HMGN3: variants seen among roughly 807,000 people sequenced by gnomAD.
HMGN3 encodes high mobility group nucleosomal binding domain 3.
In HMGN3, 6 loss-of-function variants were observed where a neutral mutation model predicts 18.8. That is an observed-to-expected ratio of 0.32 (90% CI 0.18 to 0.63). The LOEUF is 0.63. HMGN3 is among the 30% of genes least tolerant of loss of function. The pLI is 0.79. For missense variants in HMGN3, 107 were observed against 114.2 expected (o/e 0.94, Z 0.29); for synonymous variants, 40 against 36.5 (o/e 1.10, Z -0.35).
At chr6:79,208,564 A>G (rs1198090207) in exon 3 of HMGN3, 5 of 1,610,920 alleles carry the variant, frequency 3.1e-6, no homozygotes, top group Non-Finnish European at 4.2e-6. Flanking sequence ...AATCTGGCAG[A>G]CCGTCTTGTG....
exon 4 of HMGN3, chr6:79,203,611 G>T: frequency 6.2e-7 from 1 of 1,612,872 alleles, no homozygotes; most frequent in Non-Finnish European, 8.5e-7. Context: ...TTTGGGTTCA[G>T]GTTTTGGTGG....
intron 2 of HMGN3, among the ~76,000 whole-genome samples, chr6:79,213,743 G>A (rs1340544415): frequency 6.6e-6 from 1 of 152,074 alleles, no homozygotes; most frequent in Non-Finnish European, 1.5e-5. Flanking sequence ...TTTTCCACTT[G>A]GCAGAATGAA....
chr6:79,220,033 G>A (rs1777191718), intron 1 of HMGN3, among the ~76,000 whole-genome samples: 1 of 152,158 alleles, frequency 6.6e-6, no homozygotes, highest in South Asian at 2.1e-4. Flanking sequence ...AACTCATGCA[G>A]CTAATGGCTA....
Position 79,201,951 on chromosome 6 carries a change from A to C in HMGN3, c.262-225T>G, listed in dbSNP as rs1001219665. ...CTTTCTGCTTTTCAAACCACCACAG[A>C]AGCCTTACCTGCAAGCTCCCACTCT... On this transcript the variant is annotated intron_variant, in intron 5 of 5. Coordinates refer to ENST00000344726, the Ensembl canonical transcript of HMGN3. The C allele has an allele frequency of 2.8e-6, 4 of 1,452,690 alleles. No homozygotes were observed. The African/African-American group carries it at 4.3e-5, about 16-fold the overall frequency. The allele number at this position is 1,452,690 out of a possible 1,614,324, so 90.0% of individuals were successfully genotyped here.
At chr6:79,214,917 A>G in intron 2 of HMGN3, 55 bp downstream of exon 2, 1 of 946,044 alleles carries the variant, frequency 1.1e-6, no homozygotes, top group South Asian at 1.4e-5. Context: ...AATCCTAACA[A>G]TATTAAACAT....
chr6:79,213,349 T>C (rs1426602900), intron 2 of HMGN3, among the ~76,000 whole-genome samples: 1 of 152,206 alleles, frequency 6.6e-6, no homozygotes, highest in African/African-American at 2.4e-5. Flanking sequence ...TGATTTACTT[T>C]TGGTGTAGTG....
intron 4 of HMGN3, 138 bp downstream of exon 4, chr6:79,203,442 C>A: frequency 1.3e-6 from 1 of 780,104 alleles, no homozygotes; most frequent in Non-Finnish European, 2.1e-6. Flanking sequence ...TGCTTTATGC[C>A]TTTAAGCAAG....
At chr6:79,234,447 G>T in intron 1 of HMGN3, 99 bp downstream of exon 1, 1 of 1,151,486 alleles carries the variant, frequency 8.7e-7, no homozygotes, top group Non-Finnish European at 1.3e-6. Context: ...CCAATCCCCG[G>T]GTTACTACCG....
intron 1 of HMGN3, among the ~76,000 whole-genome samples, chr6:79,218,739 T>C (rs1328048214): frequency 1.3e-5 from 2 of 152,194 alleles, no homozygotes; most frequent in Non-Finnish European, 2.9e-5. Context: ...AGCTAGATGG[T>C]GGTTTATTAT....
At chr6:79,234,661 C>A (rs991668886) in exon 1 of HMGN3, 4 of 1,201,046 alleles carry the variant, frequency 3.3e-6, no homozygotes, top group African/African-American at 1.5e-5. Flanking sequence ...ACGCGCAGGG[C>A]ACGACGTAGC....
At chr6:79,210,427 C>G (rs1776627047) in intron 2 of HMGN3, among the ~76,000 whole-genome samples, 1 of 152,174 alleles carries the variant, frequency 6.6e-6, no homozygotes, top group South Asian at 2.1e-4. Context: ...CCTTATCTGA[C>G]TCTCTCTCCA....
At chr6:79,221,432 G>A (rs999394830) in intron 1 of HMGN3, among the ~76,000 whole-genome samples, 8 of 152,150 alleles carry the variant, frequency 5.3e-5, no homozygotes, top group Non-Finnish European at 1.0e-4. Flanking sequence ...TGTACTGAAG[G>A]GATCAGAACT....
chr6:79,208,580 C>T lies in HMGN3; in HGVS notation c.67-4G>A. ...ATCTGGCAGACCGTCTTGTGGGCTA[C>T]AAAGGGAATGGGAAAATATACATAT... is the stretch of plus-strand genomic sequence containing the variant. On this transcript the variant is annotated splice_region_variant and splice_polypyrimidine_tract_variant and intron_variant, in intron 2 of 5. Transcript: ENST00000344726. 4 of 1,608,784 alleles carry T rather than the reference C, an allele frequency of 2.5e-6. No individual in the cohort carries two copies. Among genetic ancestry groups the T allele is most frequent in the African/African-American group, 1.3e-5 (1 of 74,888 alleles).
intron 3 of HMGN3, among the ~76,000 whole-genome samples, chr6:79,203,991 A>G (rs1434349594): frequency 1.3e-5 from 2 of 152,270 alleles, no homozygotes; most frequent in African/African-American, 2.4e-5. Context: ...CAAAGGACTC[A>G]ATGAATTCAG....
intron 1 of HMGN3, among the ~76,000 whole-genome samples, chr6:79,220,183 T>G (rs1254479063): frequency 6.6e-6 from 1 of 152,082 alleles, no homozygotes. Context: ...TTTGTTAAAA[T>G]AAAATTTAAA....
chr6:79,221,798 C>A (rs2127831952), intron 1 of HMGN3, among the ~76,000 whole-genome samples: 1 of 152,020 alleles, frequency 6.6e-6, no homozygotes, highest in African/African-American at 2.4e-5. Context: ...ATCTTCAGCC[C>A]ATGGAAGACA....
At chr6:79,223,455 G>T (rs1182860402) in intron 1 of HMGN3, among the ~76,000 whole-genome samples, 2 of 152,166 alleles carry the variant, frequency 1.3e-5, no homozygotes, top group African/African-American at 2.4e-5. Flanking sequence ...AGGTTGCAGT[G>T]AGCCGAGATC....
chr6:79,205,146 G>A (rs1334696391), intron 3 of HMGN3, among the ~76,000 whole-genome samples: 1 of 152,160 alleles, frequency 6.6e-6, no homozygotes, highest in Non-Finnish European at 1.5e-5. Context: ...CTGGTGCTCA[G>A]GAAAAGCTTT....
intron 4 of HMGN3, among the ~76,000 whole-genome samples, chr6:79,202,804 C>T (rs142791749): frequency 1.1e-4 from 17 of 152,090 alleles, no homozygotes; most frequent in Admixed American, 8.5e-4. Flanking sequence ...GAACCCCTCA[C>T]GTGGAGACAT....
Sources: gnomAD v4.1 joint callset for allele counts (sites outside exome capture counted in the v4.1 genomes callset) on GRCh38, gnomAD v4.1.1 for gene constraint, MANE v1.5 for transcripts, NCBI Gene and HGNC (gene_info 2026-07-23, HGNC 2026-07-21) for gene names.